The following TERB1 variants were observed in gnomAD, a reference collection of about 807,000 sequenced individuals.
The protein encoded by TERB1 is telomere repeats-binding bouquet formation protein 1.
In TERB1, 63 loss-of-function variants were observed where a neutral mutation model predicts 92.3. That is an observed-to-expected ratio of 0.68 (90% CI 0.56 to 0.84). TERB1 has a LOEUF of 0.84. Among genes scored for constraint, TERB1 ranks in the 40% least tolerant of loss-of-function variants. The pLI, the probability that TERB1 is intolerant of heterozygous loss-of-function variation, is 0.00. For synonymous variants in TERB1, 252 were observed against 283.9 expected, an observed-to-expected ratio of 0.89 and a Z score of 1.13; for missense variants, 709 against 843.7, an observed-to-expected ratio of 0.84 and a Z score of 1.98.
At chr16:66,756,725 C>T (rs142837118) in intron 18 of TERB1, among the ~76,000 whole-genome samples, 2 of 152,232 alleles carry the variant, frequency 1.3e-5, no homozygotes, top group Non-Finnish European at 2.9e-5. Flanking sequence ...GCTGCCATCT[C>T]CCTGACTTTT....
chr16:66,773,050 C>A (rs942880579), intron 12 of TERB1, among the ~76,000 whole-genome samples: 6 of 151,904 alleles, frequency 3.9e-5, no homozygotes, highest in African/African-American at 1.2e-4. Flanking sequence ...TTTTTTAGGC[C>A]CGGCACAGTG....
At chr16:66,774,891 T>G (rs577148157) in intron 12 of TERB1, among the ~76,000 whole-genome samples, 1 of 151,942 alleles carries the variant, frequency 6.6e-6, no homozygotes, top group South Asian at 2.1e-4. Flanking sequence ...GAGACAGAGT[T>G]TCTCTATGTT....
intron 18 of TERB1, among the ~76,000 whole-genome samples, chr16:66,756,435 T>C (rs1392819947): frequency 2.0e-5 from 3 of 152,270 alleles, no homozygotes; most frequent in African/African-American, 7.2e-5. Flanking sequence ...TTATTCACCA[T>C]TGTATCCCCA....
chr16:66,798,995 C>T (rs1034700270), intron 2 of TERB1, among the ~76,000 whole-genome samples: 4 of 152,210 alleles, frequency 2.6e-5, no homozygotes, highest in African/African-American at 9.6e-5. Flanking sequence ...AGGGCCTACA[C>T]TCTTATCCTC....
intron 3 of TERB1, among the ~76,000 whole-genome samples, chr16:66,793,162 T>A (rs1451975770): frequency 2.0e-5 from 3 of 150,752 alleles, no homozygotes; most frequent in Non-Finnish European, 4.4e-5. Flanking sequence ...AATTAAGATG[T>A]ATCATCAATC....
chr16:66,790,385 A>G (rs2018810689), intron 5 of TERB1, among the ~76,000 whole-genome samples: 1 of 150,478 alleles, frequency 6.6e-6, no homozygotes, highest in African/African-American at 2.4e-5. Context: ...AAGGCAAGGA[A>G]AGGAACGGAA....
At chr16:66,778,427 T>C (rs2145167769) in intron 10 of TERB1, among the ~76,000 whole-genome samples, 1 of 151,994 alleles carries the variant, frequency 6.6e-6, no homozygotes, top group African/African-American at 2.4e-5. Context: ...GCTGCCTTTT[T>C]TTCCAGATGG....
intron 5 of TERB1, among the ~76,000 whole-genome samples, chr16:66,790,181 T>C: frequency 6.6e-6 from 1 of 151,404 alleles, no homozygotes; most frequent in Non-Finnish European, 1.5e-5. Flanking sequence ...TGGGTTATCT[T>C]CATCCTTTGA....
intron 13 of TERB1, 69 bp downstream of exon 13, chr16:66,772,520 T>G: frequency 7.4e-7 from 1 of 1,359,748 alleles, no homozygotes; most frequent in Non-Finnish European, 1.0e-6. Context: ...CAGTGTAGTA[T>G]GGAGAAAAAA....
chr16:66,757,706 G>A (rs993529116), intron 18 of TERB1, among the ~76,000 whole-genome samples: 4 of 152,268 alleles, frequency 2.6e-5, no homozygotes, highest in East Asian at 1.9e-4. Context: ...AATGTATCAC[G>A]TCCAAATGTC....
At chr16:66,788,868 T>C (rs1389324670) in intron 5 of TERB1, among the ~76,000 whole-genome samples, 1 of 151,844 alleles carries the variant, frequency 6.6e-6, no homozygotes, top group African/African-American at 2.4e-5. Flanking sequence ...TTAGACCCTA[T>C]CTCAAAGGCA....
intron 3 of TERB1, among the ~76,000 whole-genome samples, chr16:66,794,778 T>G (rs955212397): frequency 1.3e-5 from 2 of 151,786 alleles, no homozygotes; most frequent in Non-Finnish European, 2.9e-5. Context: ...GGCGTGGTGG[T>G]GGGCGCCTGC....
intron 10 of TERB1, 112 bp downstream of exon 10, chr16:66,778,751 G>T: frequency 1.2e-6 from 1 of 868,308 alleles, no homozygotes; most frequent in Non-Finnish European, 1.6e-6. Flanking sequence ...CCTTCCACCT[G>T]TGAGAAACTT....
rs533747647 is a variant in TERB1, at chr16:66,769,408, A to G, written c.1619+555T>C. On this transcript the variant is annotated intron_variant, in intron 14 of 18. Transcript: ENST00000433154. ...TTTCCCAAGTACAGTAACCAACAGA[A>G]GAGCACAACCCAATAAAGGGTTTAA... 2.0e-5 allele frequency among the ~76,000 whole-genome samples: 3 copies of G among 152,300 alleles called. No homozygotes were observed. The East Asian group carries it at 5.8e-4, about 29-fold the overall frequency.
At chr16:66,758,989 T>C (rs574974125) in intron 17 of TERB1, 151 bp from the exon 18 acceptor site, 27 of 919,372 alleles carry the variant, frequency 2.9e-5, no homozygotes, top group Non-Finnish European at 4.3e-5. Flanking sequence ...CTAAGACTAC[T>C]CCCTGGGTAC....
chr16:66,796,850 T>A lies in TERB1; in HGVS notation c.-32-20A>T. Reference sequence around the variant, plus strand: ...TTTTGTCTATAAGATAAAGGTATTTTCTCAATTTAAATCAATGTTTGAGAA... The same window carrying A: ...TTTTGTCTATAAGATAAAGGTATTTACTCAATTTAAATCAATGTTTGAGAA... On this transcript the variant is annotated intron_variant, in intron 2 of 18. Transcript: ENST00000433154. The A allele has an allele frequency of 7.7e-7, 1 of 1,305,902 alleles. No individual in the cohort carries two copies. The highest frequency in any genetic ancestry group is 1.1e-6 in the Non-Finnish European group (1 of 929,594). 80.9% of individuals were successfully genotyped at this position (1,305,902 alleles called of 1,614,324 possible). A position where few individuals can be genotyped will look rare whatever the true frequency, so the allele number is the denominator to read the frequency against.
rs2018833190 is a variant in TERB1, at chr16:66,791,424, C to T, written c.32-405G>A. ...CTCAGATCAATGACATCGGCTCCCA[C>T]CTAGGAAATTAGAAAAAGAACAAAT... On this transcript the variant is annotated intron_variant, in intron 3 of 18. Coordinates refer to ENST00000433154, the MANE Select transcript of TERB1 (RefSeq NM_001136505.2). 2.0e-5 allele frequency among the ~76,000 whole-genome samples: 3 copies of T among 151,866 alleles called. No individual in the cohort carries two copies. In the East Asian group the frequency reaches 5.8e-4, roughly 29 times the overall value.
chr16:66,762,684 G>A (rs928557325), intron 16 of TERB1, among the ~76,000 whole-genome samples: 3 of 147,550 alleles, frequency 2.0e-5, no homozygotes, highest in Non-Finnish European at 3.0e-5. Context: ...GCACCCAGCC[G>A]GGACTTTTTT....
intron 16 of TERB1, among the ~76,000 whole-genome samples, chr16:66,761,127 G>GAAAAGAAAAGA (rs2018238922): frequency 9.3e-6 from 1 of 107,682 alleles, no homozygotes; most frequent in Non-Finnish European, 2.0e-5. Flanking sequence ...AAAAAAAAAA[G>GAAAAGAAAAGA]AAAAGAAAAG....
Sources: allele counts gnomAD v4.1 joint callset (sites outside exome capture counted in the v4.1 genomes callset), GRCh38; gene constraint gnomAD v4.1.1; transcripts MANE v1.5; gene names NCBI Gene and HGNC (gene_info 2026-07-23, HGNC 2026-07-21).